The following ZC3H13 variants were observed in gnomAD, a reference collection of about 807,000 sequenced individuals.
ZC3H13 encodes the protein zinc finger CCCH domain-containing protein 13.
A neutral mutation model predicts 204.1 loss-of-function variants in ZC3H13; 64 were observed. That is an observed-to-expected ratio of 0.31 (90% confidence interval 0.26 to 0.39). The LOEUF (loss-of-function observed/expected upper bound fraction) is 0.39, where lower values mean the gene tolerates loss of function less well. Among genes scored for constraint, ZC3H13 ranks in the 10% least tolerant of loss-of-function variants. ZC3H13 has a pLI of 1.00. For synonymous variants in ZC3H13, 667 were observed against 693.7 expected (o/e 0.96, Z 0.60); for missense variants, 1,833 against 2,082.7 (o/e 0.88, Z 2.33).
intron 5 of ZC3H13, among the ~76,000 whole-genome samples, chr13:46,015,076 A>G (rs2041829162): frequency 6.6e-6 from 1 of 152,188 alleles, no homozygotes; most frequent in African/African-American, 2.4e-5. Flanking sequence ...TTCTCAGACT[A>G]CATTGCTAGA....
chr13:45,997,966 C>T (rs533993263), intron 8 of ZC3H13, among the ~76,000 whole-genome samples: 1 of 152,306 alleles, frequency 6.6e-6, no homozygotes, highest in East Asian at 1.9e-4. Flanking sequence ...TTGCTCACTG[C>T]TGCAATACCA....
chr13:45,988,724 T>C (rs2039740853), intron 9 of ZC3H13, 63 bp downstream of exon 9: 2 of 1,520,112 alleles, frequency 1.3e-6, no homozygotes, highest in South Asian at 1.3e-5. Flanking sequence ...CTCCATCTCT[T>C]AGTACAACAA....
chr13:46,043,531 T>C (rs2043732989), intron 3 of ZC3H13, among the ~76,000 whole-genome samples: 1 of 151,950 alleles, frequency 6.6e-6, no homozygotes, highest in African/African-American at 2.4e-5. Context: ...CCCAACAGAA[T>C]GAATGTTTTA....
rs767695107 is a variant in ZC3H13, at chr13:45,985,312, C to G, written c.1705G>C (p.Glu569Gln). The G allele has an allele frequency of 5.0e-6, 8 of 1,612,630 alleles. No individual in the cohort carries two copies. The African/African-American group carries it at 1.1e-4, about 22-fold the overall frequency. The change falls in exon 10 of 19, where the codon GAG (glutamate) becomes CAG (glutamine). Residue 569 changes from glutamate (E) to glutamine (Q), a missense_variant. By Grantham distance (29) the Glu-to-Gln change is conservative (BLOSUM62 2). Coordinates refer to ENST00000679008, the MANE Select transcript of ZC3H13 (RefSeq NM_001330564.2). ...RMGRSRGRVP[E>Q]LPEKGSRGSR... ...AAAACCTTACCCTTTTCAGGTAACTCAGGAACCCTCCCCCTACTTCGGCCC... is the reference window on the plus strand; with the variant it reads ...AAAACCTTACCCTTTTCAGGTAACTGAGGAACCCTCCCCCTACTTCGGCCC...
In ZC3H13 at chr13:46,052,467, A is replaced by T; in HGVS notation, c.-73T>A. On this transcript the variant is annotated 5_prime_UTR_variant, in exon 1 of 19. Coordinates refer to ENST00000679008, the MANE Select transcript of ZC3H13 (RefSeq NM_001330564.2). The stretch of plus-strand genomic sequence containing the variant: ...CACCACCGCCGCCGCCGCTCCGAGG[A>T]GCGGGGGAGGCGACTCTGTCCCCGC... The T allele has an allele frequency of 2.5e-6, 1 of 398,150 alleles. No individual in the cohort carries two copies. 24.7% of individuals were successfully genotyped at this position (398,150 alleles called of 1,614,324 possible).
chr13:46,022,899 CTG>C (rs61412689), intron 4 of ZC3H13, among the ~76,000 whole-genome samples: 38,285 of 151,842 alleles, frequency 0.25, 5,159 homozygotes, highest in South Asian at 0.32. Context: ...TCCCAAATGT[CTG>C]TGTCTTAGGA....
chr13:45,975,908 A>G, intron 11 of ZC3H13, 70 bp from the exon 12 acceptor site: 1 of 1,427,328 alleles, frequency 7.0e-7, no homozygotes, highest in Non-Finnish European at 9.1e-7. Context: ...AGCATGGTAA[A>G]TCTTAAATTT....
At chr13:46,020,373 T>C (rs1451705220) in intron 5 of ZC3H13, 76 bp downstream of exon 5, 3 of 1,016,158 alleles carry the variant, frequency 3.0e-6, no homozygotes, top group Non-Finnish European at 4.5e-6. Flanking sequence ...AGTCGAAAGG[T>C]GTTCTGAAGC....
At chr13:46,027,556 ATAAAGCCAGT>A (rs1224862608) in intron 4 of ZC3H13, among the ~76,000 whole-genome samples, 3 of 152,256 alleles carry the variant, frequency 2.0e-5, no homozygotes, top group Non-Finnish European at 4.4e-5. Flanking sequence ...CAAAGAAAAA[ATAAAGCCAGT>A]TAAAGAACTC....
chr13:46,049,014 T>A (rs2044206973), intron 1 of ZC3H13, among the ~76,000 whole-genome samples: 1 of 151,650 alleles, frequency 6.6e-6, no homozygotes, highest in African/African-American at 2.4e-5. Flanking sequence ...TAGCTGGGTG[T>A]GGCGGTGCAC....
intron 10 of ZC3H13, among the ~76,000 whole-genome samples, chr13:45,980,648 G>A (rs1457966781): frequency 6.6e-6 from 1 of 152,162 alleles, no homozygotes; most frequent in Non-Finnish European, 1.5e-5. Context: ...AAAAAATTAT[G>A]CTGAGTGAAA....
At chr13:46,040,387 C>T (rs1006463734) in intron 4 of ZC3H13, among the ~76,000 whole-genome samples, 17 of 151,944 alleles carry the variant, frequency 1.1e-4, no homozygotes, top group African/African-American at 4.1e-4. Context: ...AACTGGATAT[C>T]CACATGCAAA....
At chr13:45,983,276 G>C (rs1240911845) in intron 10 of ZC3H13, among the ~76,000 whole-genome samples, 1 of 150,490 alleles carries the variant, frequency 6.6e-6, no homozygotes, top group Admixed American at 6.6e-5. Flanking sequence ...AACTAAAATG[G>C]GGGGAGAGAA....
chr13:46,004,336 T>C (rs1444667777), intron 7 of ZC3H13, among the ~76,000 whole-genome samples: 5 of 151,984 alleles, frequency 3.3e-5, no homozygotes. Context: ...GGTCAGGAGT[T>C]CGAGACCAGC....
chr13:45,989,739 TC>T (rs2039833011), intron 8 of ZC3H13, among the ~76,000 whole-genome samples: 1 of 152,166 alleles, frequency 6.6e-6, no homozygotes, highest in African/African-American at 2.4e-5. Context: ...TCCCTTCAAA[TC>T]ATTTTCTTTC....
Position 45,985,328 on chromosome 13 carries a change from A to G in ZC3H13, c.1689T>C (p.Ser563=). 1 of 1,614,020 alleles carries G rather than the reference A, an allele frequency of 6.2e-7. No homozygotes were observed. The highest frequency in any genetic ancestry group is 8.5e-7 in the Non-Finnish European group (1 of 1,179,932). Residue 563 remains serine (S), a synonymous_variant, in exon 10 of 19, where the codon AGT becomes AGC. Transcript: ENST00000679008. The part of the protein sequence containing the change: ...SEIRNDRMGR[S]RGRVPELPEK... ...CAGGTAACTCAGGAACCCTCCCCCT[A>G]CTTCGGCCCATTCGGTCATTTCTAA...
rs567358669 is a variant in ZC3H13 at position 45,967,060 on chromosome 13, TAC to T, written c.4321+442_4321+443del. The stretch of plus-strand genomic sequence containing the variant: ...GGATTCTAGTCAATCCTACATTAAA[TAC>T]AGTTTTAGGTAGTGTTATTGTTTCA... On this transcript the variant is annotated intron_variant, in intron 15 of 18. Transcript: ENST00000679008. Among the ~76,000 whole-genome samples the T allele has an allele frequency of 1.7e-3, 259 of 152,310 alleles. 2 individuals carry two copies. The highest frequency in any genetic ancestry group is 6.0e-3 in the African/African-American group (250 of 41,556).
At chr13:46,035,816 A>G (rs2043174578) in intron 4 of ZC3H13, among the ~76,000 whole-genome samples, 1 of 152,234 alleles carries the variant, frequency 6.6e-6, no homozygotes, top group Non-Finnish European at 1.5e-5. Flanking sequence ...TTAAAAGACA[A>G]AGTCAAGAGA....
At chr13:46,040,082 G>A (rs1240783729) in intron 4 of ZC3H13, among the ~76,000 whole-genome samples, 1 of 152,118 alleles carries the variant, frequency 6.6e-6, no homozygotes, top group Non-Finnish European at 1.5e-5. Flanking sequence ...ATTGGCATGT[G>A]TATTTTGAAA....
Sources: allele counts gnomAD v4.1 joint callset (sites outside exome capture counted in the v4.1 genomes callset), GRCh38; gene constraint gnomAD v4.1.1; transcripts MANE v1.5; gene names NCBI Gene and HGNC (gene_info 2026-07-23, HGNC 2026-07-21).